The following SFSWAP variants were observed in gnomAD, a reference collection of about 807,000 sequenced individuals.
The protein encoded by SFSWAP is splicing factor, suppressor of white-apricot homolog.
A neutral mutation model predicts 100.7 loss-of-function variants in SFSWAP; 17 were observed. The ratio of observed to expected loss-of-function variants is 0.17; its 90% CI spans 0.12 to 0.25. SFSWAP has a LOEUF of 0.25. SFSWAP is among the 10% of genes least tolerant of loss of function. The pLI, the probability that SFSWAP is intolerant of heterozygous loss-of-function variation, is 1.00. For synonymous variants in SFSWAP, 504 were observed against 510.1 expected, an observed-to-expected ratio of 0.99 and a Z score of 0.16; for missense variants, 1,005 against 1,262.6, an observed-to-expected ratio of 0.80 and a Z score of 3.09.
rs1392491295 is a variant in SFSWAP, at chr12:131,778,369, A to AC, written c.2408+44dup. ...GGGCAGCACCTCTGGTACCCTCATGACCCCCATGTCCTTCACAGGACACCC... is the reference window on the plus strand; with the variant it reads ...GGGCAGCACCTCTGGTACCCTCATGACCCCCCATGTCCTTCACAGGACACCC... On this transcript the variant is annotated intron_variant, in intron 14 of 17. Coordinates refer to ENST00000261674, the MANE Select transcript of SFSWAP (RefSeq NM_004592.4). This position sits in a 1 kb window ranked among gnomAD's most constrained non-coding sequence, Gnocchi z 4.2. 6.3e-7 allele frequency: 1 copy of AC among 1,594,472 alleles called. No individual in the cohort carries two copies. The highest frequency in any genetic ancestry group is 2.2e-5 in the East Asian group (1 of 44,658).
chr12:131,711,417 G>C lies in SFSWAP; in HGVS notation c.188G>C (p.Trp63Ser). ...GAACAGGGACAGCACCTCATCCCCTGGATGGGGGACCACAAGATCCTCATC... is the reference window on the plus strand; with the variant it reads ...GAACAGGGACAGCACCTCATCCCCTCGATGGGGGACCACAAGATCCTCATC... ...AQEQGQHLIP[W>S]MGDHKILIDR... Residue 63 changes from tryptophan to serine, a missense_variant, in exon 1 of 18, where the codon TGG becomes TCG. Coordinates refer to ENST00000261674, the MANE Select transcript of SFSWAP (RefSeq NM_004592.4). This position sits in a 1 kb window ranked among gnomAD's most constrained non-coding sequence, Gnocchi z 4.9. The C allele has an allele frequency of 6.2e-7, 1 of 1,613,666 alleles. No individual in the cohort carries two copies. The highest frequency in any genetic ancestry group is 8.5e-7 in the Non-Finnish European group (1 of 1,180,002).
At chr12:131,784,823 A>G (rs1014669080) in intron 14 of SFSWAP, 1 of 334,570 alleles carries the variant, frequency 3.0e-6, no homozygotes, top group Admixed American at 4.6e-5. Flanking sequence ...TACTGGTAAC[A>G]GCCACTTCCC....
At chr12:131,726,175 TACACAC>T in intron 5 of SFSWAP, among the ~76,000 whole-genome samples, 1 of 151,290 alleles carries the variant, frequency 6.6e-6, no homozygotes, top group Admixed American at 6.6e-5. Context: ...TGTATATATA[TACACAC>T]ACACACACAT....
In SFSWAP at chr12:131,732,292, C is replaced by G. The variant is rs920538059; in HGVS notation, c.1081+3864C>G. 3.9e-5 allele frequency among the ~76,000 whole-genome samples: 6 copies of G among 152,316 alleles called. No homozygotes were observed. In the South Asian group the frequency reaches 1.0e-3, roughly 26 times the overall value. On this transcript the variant is annotated intron_variant, in intron 7 of 17. Transcript: ENST00000261674. ...CGTTTGCAATGCCGGACAGTGAGGG[C>G]AAGAGCAGCCCATGGCTTGGCCTGA...
intron 7 of SFSWAP, among the ~76,000 whole-genome samples, chr12:131,741,226 A>G (rs551096204): frequency 5.6e-4 from 85 of 152,000 alleles, no homozygotes; most frequent in African/African-American, 2.0e-3. Flanking sequence ...TCGGCCCCTC[A>G]AAGTGCTGGG....
chr12:131,753,820 A>G (rs1881890539), intron 8 of SFSWAP, among the ~76,000 whole-genome samples: 1 of 152,174 alleles, frequency 6.6e-6, no homozygotes, highest in Admixed American at 6.5e-5. Flanking sequence ...TAACCTGTGA[A>G]GCCATCGGCA....
At chr12:131,765,919 TC>T (rs1883080437) in intron 12 of SFSWAP, among the ~76,000 whole-genome samples, 198 bp from the exon 13 acceptor site, 1 of 152,070 alleles carries the variant, frequency 6.6e-6, no homozygotes, top group African/African-American at 2.4e-5. Flanking sequence ...TCACCAACCT[TC>T]TAACTCTGAA....
chr12:131,721,216 G>T (rs1403503472), intron 4 of SFSWAP, among the ~76,000 whole-genome samples: 1 of 152,148 alleles, frequency 6.6e-6, no homozygotes, highest in Non-Finnish European at 1.5e-5. Flanking sequence ...CCTCCCACCA[G>T]GCACTGCCTC....
At chr12:131,770,805 C>T (rs1181756561) in intron 13 of SFSWAP, among the ~76,000 whole-genome samples, 4 of 152,190 alleles carry the variant, frequency 2.6e-5, no homozygotes, top group Non-Finnish European at 5.9e-5. Flanking sequence ...GGATGTCCAT[C>T]TTCTAAAACC....
chr12:131,788,350 CCAGA>C (rs1389051736), intron 15 of SFSWAP, among the ~76,000 whole-genome samples: 2 of 152,148 alleles, frequency 1.3e-5, no homozygotes, highest in African/African-American at 2.4e-5. Flanking sequence ...GCTGCCGTGC[CCAGA>C]CAGACGGAAT....
At chr12:131,790,222 G>A (rs961724406) in intron 15 of SFSWAP, among the ~76,000 whole-genome samples, 1 of 152,180 alleles carries the variant, frequency 6.6e-6, no homozygotes, top group African/African-American at 2.4e-5. Context: ...TGGTGACATT[G>A]TCTCCAGTTT....
At chr12:131,754,549 T>C (rs762492683) in intron 9 of SFSWAP, 50 bp downstream of exon 9, 5 of 1,354,730 alleles carry the variant, frequency 3.7e-6, no homozygotes, top group Non-Finnish European at 3.9e-6. Context: ...GGGGGTTTCG[T>C]TTAGCCTTTT....
chr12:131,754,576 T>A (rs980712034), intron 9 of SFSWAP, 77 bp downstream of exon 9: 1 of 1,038,402 alleles, frequency 9.6e-7, no homozygotes, highest in Non-Finnish European at 1.3e-6. Context: ...AAAATGTAGG[T>A]ACAGAATTAA....
At position 131,797,227 on chromosome 12, in the gene SFSWAP, T is replaced by G. The variant is rs1429450923; in HGVS notation, c.2584T>G (p.Ser862Ala). Residue 862 changes from serine to alanine, a missense_variant, in exon 16 of 18, where the codon TCC becomes GCC. This residue lies in a region of SFSWAP where 295 missense variants were observed against 347.9 expected (regional missense o/e 0.85). Coordinates refer to ENST00000261674, the MANE Select transcript of SFSWAP (RefSeq NM_004592.4). ...KKRRSRSRTKSKARSQSVSPS... is the reference protein window; with the variant it reads ...KKRRSRSRTKAKARSQSVSPS... ...GAGGCGGTCCCGGTCGCGGACCAAG[T>G]CCAAGGCCAGGTCTCAGTCGGTGTC... 1.2e-6 allele frequency: 2 copies of G among 1,612,328 alleles called. No homozygotes were observed. The highest frequency in any genetic ancestry group is 8.5e-7 in the Non-Finnish European group (1 of 1,179,846).
Position 131,799,587 on chromosome 12 carries a change from C to A in SFSWAP, c.*99C>A. ...CATCCACCTGGCCGCCTCCATGGACCCTTGGTGGCTTTTGTAAATTAATTT... is the reference window on the plus strand; with the variant it reads ...CATCCACCTGGCCGCCTCCATGGACACTTGGTGGCTTTTGTAAATTAATTT... On this transcript the variant is annotated 3_prime_UTR_variant, in exon 18 of 18. Coordinates refer to ENST00000261674, the MANE Select transcript of SFSWAP (RefSeq NM_004592.4). 2.2e-6 allele frequency: 2 copies of A among 899,382 alleles called. No individual in the cohort carries two copies. The highest frequency in any genetic ancestry group is 1.5e-5 in the South Asian group (1 of 65,280). The allele number at this position is 899,382 out of a possible 1,614,324, so 55.7% of individuals were successfully genotyped here. A position where few individuals can be genotyped will look rare whatever the true frequency, so the allele number is the denominator to read the frequency against.
rs71072785 is a variant in SFSWAP, at chr12:131,738,885, CT to C, written c.1081+10481del. On this transcript the variant is annotated intron_variant, in intron 7 of 17. Transcript: ENST00000261674. ...TTCCAGTGCTGTAATGAACATTATT[CT>C]TTTTTTTTTTTTTTTTTTTTTTTGA... 2.5e-3 allele frequency among the ~76,000 whole-genome samples: 124 copies of C among 48,732 alleles called. 1 individual carries two copies. Among genetic ancestry groups the C allele is most frequent in the Middle Eastern group, 0.023 (1 of 44 alleles). 32.0% of individuals were successfully genotyped at this position (48,732 alleles called of 152,430 possible). A position where few individuals can be genotyped will look rare whatever the true frequency, so the allele number is the denominator to read the frequency against.
intron 15 of SFSWAP, among the ~76,000 whole-genome samples, chr12:131,789,085 G>A (rs545476484): frequency 9.9e-5 from 15 of 151,154 alleles, no homozygotes; most frequent in East Asian, 5.9e-4. Context: ...GGTTCAACTC[G>A]TCCTCCCACC....
At chr12:131,738,087 T>G (rs771723847) in intron 7 of SFSWAP, among the ~76,000 whole-genome samples, 1 of 152,212 alleles carries the variant, frequency 6.6e-6, no homozygotes, top group Non-Finnish European at 1.5e-5. Context: ...TCAGTTTTTC[T>G]TAATATTCTA....
At chr12:131,781,740 C>T (rs546602807) in intron 14 of SFSWAP, among the ~76,000 whole-genome samples, 89 of 152,224 alleles carry the variant, frequency 5.8e-4, no homozygotes, top group Middle Eastern at 3.4e-3. Flanking sequence ...CCAGAACACT[C>T]CAATTTTTAA....
Sources: gnomAD v4.1 joint callset for allele counts (sites outside exome capture counted in the v4.1 genomes callset) on GRCh38, gnomAD v4.1.1 for gene constraint, gnomAD v4.1.1 regional missense constraint, Gnocchi (gnomAD v3.1) non-coding constraint, MANE v1.5 for transcripts, NCBI Gene and HGNC (gene_info 2026-07-23, HGNC 2026-07-21) for gene names.